The following DPYD variants were observed in gnomAD, a reference collection of about 807,000 sequenced individuals.
DPYD encodes the protein dihydropyrimidine dehydrogenase [NADP(+)].
Under a neutral mutation model 116.2 loss-of-function variants are expected in DPYD, and 109 were observed. The observed-to-expected ratio is 0.94, with a 90% CI of 0.80 to 1.10. The LOEUF (loss-of-function observed/expected upper bound fraction) is 1.10. Among genes scored for constraint, DPYD ranks in the 50% least tolerant of loss-of-function variants. DPYD has a pLI of 0.00. For missense variants in DPYD, 1,302 were observed against 1,254.5 expected (o/e 1.04, Z -0.57); for synonymous variants, 440 against 432.0 (o/e 1.02, Z -0.23).
chr1:97,200,203 C>G (rs940890376), intron 19 of DPYD, among the ~76,000 whole-genome samples: 3 of 152,056 alleles, frequency 2.0e-5, no homozygotes, highest in Admixed American at 2.0e-4. Context: ...AACCCATGAC[C>G]ATAATTATCC....
At chr1:97,646,501 G>A (rs1035129651) in intron 8 of DPYD, among the ~76,000 whole-genome samples, 2 of 151,598 alleles carry the variant, frequency 1.3e-5, no homozygotes, top group African/African-American at 4.8e-5. Context: ...ATTTTGTTCT[G>A]AGGCTTATGC....
At chr1:97,296,394 T>A (rs909256211) in intron 18 of DPYD, among the ~76,000 whole-genome samples, 4 of 152,188 alleles carry the variant, frequency 2.6e-5, no homozygotes, top group African/African-American at 9.6e-5. Flanking sequence ...GTTTATTTAT[T>A]TAGATAAACA....
At chr1:97,759,793 T>C (rs139325132) in intron 3 of DPYD, among the ~76,000 whole-genome samples, 163 of 152,294 alleles carry the variant, frequency 1.1e-3, no homozygotes, top group African/African-American at 3.5e-3. Context: ...ATTTCCTAGA[T>C]ACTTACAATG....
intron 16 of DPYD, among the ~76,000 whole-genome samples, chr1:97,312,343 T>C (rs2101062058): frequency 6.6e-6 from 1 of 151,986 alleles, no homozygotes; most frequent in South Asian, 2.1e-4. Flanking sequence ...AACTCCTTTT[T>C]AAGAACAATG....
intron 15 of DPYD, among the ~76,000 whole-genome samples, chr1:97,380,243 G>C (rs1671873041): frequency 1.3e-5 from 2 of 152,246 alleles, no homozygotes; most frequent in Admixed American, 1.3e-4. Context: ...GCTAGCCAGG[G>C]ACTTTATACA....
At chr1:97,548,722 C>T (rs530986715) in intron 12 of DPYD, among the ~76,000 whole-genome samples, 3 of 151,826 alleles carry the variant, frequency 2.0e-5, no homozygotes, top group African/African-American at 7.3e-5. Flanking sequence ...GGCATTAGAG[C>T]GAGACTTTGT....
At chr1:97,412,459 G>A (rs1043106316) in intron 14 of DPYD, among the ~76,000 whole-genome samples, 3 of 152,004 alleles carry the variant, frequency 2.0e-5, no homozygotes, top group Non-Finnish European at 4.4e-5. Flanking sequence ...CTTACAAAAC[G>A]AATAGGAGAA....
chr1:97,630,069 C>T (rs1056858816), intron 8 of DPYD, among the ~76,000 whole-genome samples: 4 of 151,674 alleles, frequency 2.6e-5, no homozygotes, highest in Non-Finnish European at 4.4e-5. Context: ...CTAACTAGTA[C>T]TAATATGATA....
chr1:97,481,292 A>T (rs1678294799), intron 13 of DPYD, among the ~76,000 whole-genome samples: 1 of 152,136 alleles, frequency 6.6e-6, no homozygotes, highest in Non-Finnish European at 1.5e-5. Flanking sequence ...GACTGATAAC[A>T]TCCAGTGCTA....
intron 20 of DPYD, among the ~76,000 whole-genome samples, chr1:97,108,250 T>C (rs1186369652): frequency 6.6e-6 from 1 of 152,166 alleles, no homozygotes; most frequent in Non-Finnish European, 1.5e-5. Context: ...TTCACTTTGC[T>C]GTCAGCTGGT....
chr1:97,084,191 C>A (rs1430655075), intron 21 of DPYD, among the ~76,000 whole-genome samples: 1 of 152,002 alleles, frequency 6.6e-6, no homozygotes, highest in Non-Finnish European at 1.5e-5. Flanking sequence ...CTTTTTCTAT[C>A]TTATTTCTCA....
In DPYD at chr1:97,699,692, A is replaced by T. The variant is rs78682297; in HGVS notation, c.484-145T>A. ...TTAATATGGTATACTTACAACTTTT[A>T]TTGTGTCAAGTAGATGAGGAGTTAT... is the stretch of plus-strand genomic sequence containing the variant. On this transcript the variant is annotated intron_variant, in intron 5 of 22. Transcript: ENST00000370192. 1.2e-3 allele frequency: 994 copies of T among 807,428 alleles called. 5 individuals are homozygous for T. The African/African-American group carries it at 0.016, about 13-fold the overall frequency. 50.0% of individuals were successfully genotyped at this position (807,428 alleles called of 1,614,324 possible).
intron 18 of DPYD, among the ~76,000 whole-genome samples, chr1:97,256,015 T>A (rs1490931596): frequency 6.6e-6 from 1 of 152,112 alleles, no homozygotes; most frequent in African/African-American, 2.4e-5. Flanking sequence ...GCTATTTCTA[T>A]AAGAAATTAG....
intron 5 of DPYD, among the ~76,000 whole-genome samples, chr1:97,717,558 G>T (rs114162182): frequency 0.011 from 1,664 of 152,026 alleles, 26 homozygotes; most frequent in African/African-American, 0.037. Context: ...AGTGTACACT[G>T]TACCCAATGG....
chr1:97,436,181 G>A (rs901677827), intron 14 of DPYD, among the ~76,000 whole-genome samples: 4 of 151,798 alleles, frequency 2.6e-5, no homozygotes, highest in Admixed American at 2.0e-4. Flanking sequence ...TTAGAGTTGA[G>A]TTCTCAACAC....
intron 1 of DPYD, among the ~76,000 whole-genome samples, chr1:97,898,393 A>G (rs960297101): frequency 1.3e-5 from 2 of 151,756 alleles, no homozygotes; most frequent in African/African-American, 4.8e-5. Flanking sequence ...TCTCCAATTG[A>G]AGGATTCCAC....
intron 16 of DPYD, among the ~76,000 whole-genome samples, chr1:97,373,142 T>TA (rs1435880616): frequency 6.6e-6 from 1 of 152,196 alleles, no homozygotes; most frequent in Non-Finnish European, 1.5e-5. Flanking sequence ...GATCGTATGC[T>TA]AAAAAATGTA....
rs991189323 is a variant in DPYD at position 97,601,242 on chromosome 1, G to A, written c.851-6076C>T. Among the ~76,000 whole-genome samples, 6 of 152,088 alleles carry A rather than the reference G, an allele frequency of 3.9e-5. 1 individual carries two copies. ...GTTCTTTGGAAAATTAGGTAGAAAA[G>A]TGCACATAAAGCATGCTGGTAAATC... On this transcript the variant is annotated intron_variant, in intron 8 of 22. Coordinates refer to ENST00000370192, the MANE Select transcript of DPYD (RefSeq NM_000110.4).
intron 12 of DPYD, among the ~76,000 whole-genome samples, chr1:97,533,290 T>A (rs1001047397): frequency 2.6e-5 from 4 of 152,168 alleles, no homozygotes; most frequent in Admixed American, 2.6e-4. Flanking sequence ...GTTAATATAA[T>A]AGCATGTAGA....
Sources: allele counts gnomAD v4.1 joint callset (sites outside exome capture counted in the v4.1 genomes callset), GRCh38; gene constraint gnomAD v4.1.1; transcripts MANE v1.5; gene names NCBI Gene and HGNC (gene_info 2026-07-23, HGNC 2026-07-21).